The following MAML2 variants were observed in gnomAD, a reference collection of about 807,000 sequenced individuals.
The protein encoded by MAML2 is mastermind like transcriptional coactivator 2, also known as mastermind-like protein 2.
MAML2 carries 22 observed loss-of-function variants against 96.1 expected under a neutral mutation model. That is an observed-to-expected ratio of 0.23 (90% CI 0.16 to 0.33). The LOEUF is 0.33. MAML2 is among the 10% of genes least tolerant of loss of function. The pLI, the probability that MAML2 is intolerant of heterozygous loss-of-function variation, is 1.00. For synonymous variants in MAML2, 561 were observed against 521.3 expected (o/e 1.08, Z -1.04); for missense variants, 1,367 against 1,392.4 (o/e 0.98, Z 0.29).
chr11:96,111,100 C>T (rs1361981550), intron 1 of MAML2, among the ~76,000 whole-genome samples: 1 of 152,184 alleles, frequency 6.6e-6, no homozygotes, highest in Admixed American at 6.5e-5. Flanking sequence ...AGCAATCCAA[C>T]AACCCTTGAT....
chr11:96,006,872 T>C (rs11021380), intron 2 of MAML2, among the ~76,000 whole-genome samples: 9,953 of 123,820 alleles, frequency 0.08, 411 homozygotes, highest in Middle Eastern at 0.16. Flanking sequence ...GAATATCTTA[T>C]ACACACACAC....
In MAML2 at chr11:96,045,906, T is replaced by TTG. The variant is rs1555001114; in HGVS notation, c.2139+45985_2139+45986insCA. On this transcript the variant is annotated intron_variant, in intron 2 of 4. Coordinates refer to ENST00000524717, the MANE Select transcript of MAML2 (RefSeq NM_032427.4). ...TCTCCCAGTCAGCACACTTCTGTTT[T>TTG]TTTTTTTTTTTTCCCCCATTCCTGT... Among the ~76,000 whole-genome samples the TTG allele has an allele frequency of 1.9e-4, 29 of 151,754 alleles. 2 individuals are homozygous for TTG. Among genetic ancestry groups the TTG allele is most frequent in the South Asian group, 1.9e-3 (9 of 4,742 alleles).
At chr11:96,260,184 T>C (rs1237189411) in intron 1 of MAML2, among the ~76,000 whole-genome samples, 3 of 151,468 alleles carry the variant, frequency 2.0e-5, no homozygotes, top group Non-Finnish European at 4.4e-5. Flanking sequence ...CTGTGTGGTG[T>C]TGGGGGATGG....
intron 2 of MAML2, among the ~76,000 whole-genome samples, chr11:96,077,660 G>A (rs1455121587): frequency 6.6e-6 from 1 of 152,148 alleles, no homozygotes; most frequent in Non-Finnish European, 1.5e-5. Flanking sequence ...AAACCATTTT[G>A]TGGACTGTAC....
chr11:96,029,350 A>G (rs1238928848), intron 2 of MAML2, among the ~76,000 whole-genome samples: 1 of 152,114 alleles, frequency 6.6e-6, no homozygotes, highest in East Asian at 1.9e-4. Context: ...TTACATCGTA[A>G]AAATGTAAAA....
chr11:96,104,222 T>C (rs764264398), intron 1 of MAML2, among the ~76,000 whole-genome samples: 2 of 152,214 alleles, frequency 1.3e-5, no homozygotes, highest in Non-Finnish European at 2.9e-5. Flanking sequence ...TGAGTCACAT[T>C]TGTCTTGTTG....
Position 96,171,714 on chromosome 11 carries a change from G to A in MAML2, c.514-78197C>T, listed in dbSNP as rs147219610. Reference sequence around the variant, plus strand: ...GAGCCAAATCAGAGCTGGAGACAGGGTGATAGTAGAAACCAAATAATGAAT... The same window carrying A: ...GAGCCAAATCAGAGCTGGAGACAGGATGATAGTAGAAACCAAATAATGAAT... On this transcript the variant is annotated intron_variant, in intron 1 of 4. Transcript: ENST00000524717. Among the ~76,000 whole-genome samples the A allele has an allele frequency of 3.3e-3, 504 of 152,372 alleles. 1 individual carries two copies. Among genetic ancestry groups the A allele is most frequent in the African/African-American group, 0.012 (483 of 41,590 alleles).
chr11:96,050,300 G>T (rs1858970501), intron 2 of MAML2, among the ~76,000 whole-genome samples: 1 of 152,168 alleles, frequency 6.6e-6, no homozygotes, highest in Non-Finnish European at 1.5e-5. Context: ...GCAGGCATAG[G>T]GTGAAAGATC....
At chr11:96,172,395 C>T (rs1368806059) in intron 1 of MAML2, among the ~76,000 whole-genome samples, 1 of 152,244 alleles carries the variant, frequency 6.6e-6, no homozygotes, top group Non-Finnish European at 1.5e-5. Context: ...TCTCAGGTAG[C>T]TTCTTTGCTC....
chr11:96,016,593 AC>A (rs1331105685), intron 2 of MAML2, among the ~76,000 whole-genome samples: 1 of 152,184 alleles, frequency 6.6e-6, no homozygotes, highest in African/African-American at 2.4e-5. Context: ...TAGGAGGAAC[AC>A]TTTTTGTGGG....
In MAML2 at chr11:95,977,516, T is replaced by G. The variant is rs1857666948; in HGVS notation, c.*1432A>C. 1 of 199,046 alleles carries G rather than the reference T, an allele frequency of 5.0e-6. No individual in the cohort carries two copies. The allele number at this position is 199,046 out of a possible 1,614,324, so 12.3% of individuals were successfully genotyped here. A position where few individuals can be genotyped will look rare whatever the true frequency, so the allele number is the denominator to read the frequency against. On this transcript the variant is annotated 3_prime_UTR_variant, in exon 5 of 5. Coordinates refer to ENST00000524717, the MANE Select transcript of MAML2 (RefSeq NM_032427.4). ...AAATTACATTTGATATTTGAATATG[T>G]GAGCATAGAACTGAAAGGGCTGAAG...
intron 1 of MAML2, among the ~76,000 whole-genome samples, chr11:96,097,054 T>C (rs1859841873): frequency 6.6e-6 from 1 of 152,150 alleles, no homozygotes; most frequent in Admixed American, 6.5e-5. Flanking sequence ...GGCACCAAGC[T>C]ACTGGCACCA....
intron 2 of MAML2, among the ~76,000 whole-genome samples, chr11:96,089,912 T>C (rs1332310507): frequency 2.2e-5 from 1 of 45,028 alleles, no homozygotes; most frequent in African/African-American, 1.0e-4. Flanking sequence ...CCTAGGAGAA[T>C]GTAAAAAATT....
At chr11:96,115,933 T>G (rs1860229628) in intron 1 of MAML2, among the ~76,000 whole-genome samples, 1 of 152,148 alleles carries the variant, frequency 6.6e-6, no homozygotes, top group African/African-American at 2.4e-5. Context: ...CCAAAGAAAC[T>G]GGCTTTGATG....
chr11:96,331,817 C>CAAAA (rs200355506), intron 1 of MAML2, among the ~76,000 whole-genome samples: 3 of 74,704 alleles, frequency 4.0e-5, no homozygotes, highest in Non-Finnish European at 8.7e-5. Flanking sequence ...GACTCCATCT[C>CAAAA]AAAAAAAAAA....
intron 2 of MAML2, among the ~76,000 whole-genome samples, chr11:96,026,850 A>T (rs537686349): frequency 2.7e-5 from 4 of 150,050 alleles, no homozygotes; most frequent in African/African-American, 9.9e-5. Flanking sequence ...TATCTTATAC[A>T]ATGCATTTGT....
chr11:96,298,606 T>C (rs1314455455), intron 1 of MAML2, among the ~76,000 whole-genome samples: 2 of 152,054 alleles, frequency 1.3e-5, no homozygotes, highest in Non-Finnish European at 2.9e-5. Context: ...TAATGAGTTC[T>C]GCTCTGCGTT....
intron 1 of MAML2, among the ~76,000 whole-genome samples, chr11:96,314,492 C>T (rs151320321): frequency 4.1e-4 from 63 of 152,328 alleles, no homozygotes; most frequent in Non-Finnish European, 5.9e-4. Context: ...CACTCCCAGA[C>T]AATAACAACA....
chr11:96,261,818 C>T (rs1006589571), intron 1 of MAML2, among the ~76,000 whole-genome samples: 4 of 152,206 alleles, frequency 2.6e-5, no homozygotes, highest in Non-Finnish European at 4.4e-5. Flanking sequence ...TTATAAACAA[C>T]CAAGTTACCT....
Sources: allele counts gnomAD v4.1 joint callset (sites outside exome capture counted in the v4.1 genomes callset), GRCh38; gene constraint gnomAD v4.1.1; transcripts MANE v1.5; gene names NCBI Gene and HGNC (gene_info 2026-07-23, HGNC 2026-07-21).